The following NRXN1 variants were observed in gnomAD, a reference collection of about 807,000 sequenced individuals.
NRXN1 encodes neurexin 1.
Under a neutral mutation model 150.9 loss-of-function variants are expected in NRXN1, and 39 were observed. The ratio of observed to expected loss-of-function variants is 0.26; its 90% CI spans 0.20 to 0.34. NRXN1 has a LOEUF of 0.34. NRXN1 is among the 10% of genes least tolerant of loss of function. The pLI is 1.00. For synonymous variants in NRXN1, 924 were observed against 757.0 expected, an observed-to-expected ratio of 1.22 and a Z score of -3.62; for missense variants, 1,815 against 1,949.9, an observed-to-expected ratio of 0.93 and a Z score of 1.30.
intron 5 of NRXN1, among the ~76,000 whole-genome samples, chr2:50,626,861 T>A (rs980310033): frequency 1.3e-5 from 2 of 151,956 alleles, no homozygotes; most frequent in South Asian, 4.1e-4. Flanking sequence ...AGGATTATAA[T>A]CCAGAATATG....
At chr2:50,180,422 T>C (rs2060634489) in intron 18 of NRXN1, among the ~76,000 whole-genome samples, 1 of 152,108 alleles carries the variant, frequency 6.6e-6, no homozygotes, top group African/African-American at 2.4e-5. Flanking sequence ...AATCCCCTGT[T>C]ATAGCCTGAA....
intron 9 of NRXN1, chr2:50,548,248 C>T (rs1252112319): frequency 6.6e-6 from 1 of 152,134 alleles, no homozygotes; most frequent in East Asian, 1.9e-4. Flanking sequence ...GACCTCAAGA[C>T]CAAGAAGGGA....
chr2:50,234,969 C>A (rs1192490266), intron 18 of NRXN1, among the ~76,000 whole-genome samples: 1 of 151,944 alleles, frequency 6.6e-6, no homozygotes, highest in Non-Finnish European at 1.5e-5. Flanking sequence ...GAAAGAAATA[C>A]CTATTCTTGC....
At chr2:50,519,100 T>A (rs11897546) in intron 12 of NRXN1, among the ~76,000 whole-genome samples, 1 of 151,746 alleles carries the variant, frequency 6.6e-6, no homozygotes, top group African/African-American at 2.4e-5. Context: ...CGTGTCTTGC[T>A]TTCTTTTTGT....
At chr2:50,269,313 T>C (rs1013129801) in intron 17 of NRXN1, among the ~76,000 whole-genome samples, 3 of 152,208 alleles carry the variant, frequency 2.0e-5, no homozygotes, top group African/African-American at 7.2e-5. Context: ...ACTCTTCCCT[T>C]TGCTGTATTG....
intron 21 of NRXN1, among the ~76,000 whole-genome samples, chr2:50,019,590 C>A (rs1687180501): frequency 7.8e-6 from 1 of 128,062 alleles, no homozygotes; most frequent in African/African-American, 3.1e-5. Flanking sequence ...TGCAGTGAAC[C>A]GAGATGCTGC....
chr2:50,382,878 C>A (rs989485317), intron 17 of NRXN1, among the ~76,000 whole-genome samples: 3 of 152,102 alleles, frequency 2.0e-5, no homozygotes, highest in Non-Finnish European at 4.4e-5. Context: ...CAGAGATAAC[C>A]TTTGCTTAGG....
intron 5 of NRXN1, among the ~76,000 whole-genome samples, chr2:50,628,127 A>G (rs937461031): frequency 1.3e-5 from 2 of 151,782 alleles, no homozygotes; most frequent in Non-Finnish European, 3.0e-5. Context: ...GTATCATTCC[A>G]AATCTGCATA....
At chr2:50,052,730 G>C (rs1002532602) in intron 21 of NRXN1, among the ~76,000 whole-genome samples, 1 of 151,998 alleles carries the variant, frequency 6.6e-6, no homozygotes, top group Non-Finnish European at 1.5e-5. Flanking sequence ...TAAACCAATA[G>C]AATGTTTTTT....
chr2:50,562,883 T>C (rs1213546567), intron 8 of NRXN1, among the ~76,000 whole-genome samples: 3 of 152,132 alleles, frequency 2.0e-5, no homozygotes, highest in African/African-American at 7.2e-5. Flanking sequence ...AGCTTTATAA[T>C]ATATTCTAAT....
chr2:50,718,223 T>G (rs1224033011), intron 5 of NRXN1, among the ~76,000 whole-genome samples: 4 of 152,162 alleles, frequency 2.6e-5, no homozygotes, highest in Non-Finnish European at 4.4e-5. Context: ...AGACTTATTT[T>G]ATACAAACAC....
rs559350320 is a variant in NRXN1, at chr2:50,120,896, A to T, written c.3547-29402T>A. 1.8e-4 allele frequency among the ~76,000 whole-genome samples: 28 copies of T among 152,316 alleles called. No individual in the cohort carries two copies. In the South Asian group the frequency reaches 5.8e-3, roughly 32 times the overall value. On this transcript the variant is annotated intron_variant, in intron 18 of 22. Transcript: ENST00000401669. Reference sequence around the variant, plus strand: ...AGTTACTTACTGATCATTTGATGAGATCTGTTGACTAAATGTGGCTTTAAT... The same window carrying T: ...AGTTACTTACTGATCATTTGATGAGTTCTGTTGACTAAATGTGGCTTTAAT...
intron 17 of NRXN1, among the ~76,000 whole-genome samples, chr2:50,421,905 A>T (rs1236828045): frequency 5.3e-5 from 8 of 152,140 alleles, no homozygotes; most frequent in Admixed American, 3.9e-4. Flanking sequence ...ACCATTGATT[A>T]AAAAAATATT....
chr2:50,236,750 T>A, intron 18 of NRXN1, 39 bp downstream of exon 18: 1 of 1,597,724 alleles, frequency 6.3e-7, no homozygotes, highest in East Asian at 2.3e-5. Context: ...AAGTTAACAG[T>A]AAAAAGTAAA....
In NRXN1 at chr2:50,813,527, T is replaced by A. The variant is rs185031167; in HGVS notation, c.832+108342A>T. The stretch of plus-strand genomic sequence containing the variant: ...TGATTATTAGCAATTTCATATGGCT[T>A]AAACTTAACTCTTCTCAAAGTGCAT... On this transcript the variant is annotated intron_variant, in intron 5 of 22. Transcript: ENST00000401669. Among the ~76,000 whole-genome samples the A allele has an allele frequency of 7.0e-4, 106 of 152,284 alleles. 1 individual carries two copies. Among genetic ancestry groups the A allele is most frequent in the African/African-American group, 2.4e-3 (101 of 41,552 alleles).
intron 18 of NRXN1, among the ~76,000 whole-genome samples, chr2:50,155,288 A>G (rs2152777831): frequency 6.6e-6 from 1 of 151,700 alleles, no homozygotes; most frequent in Non-Finnish European, 1.5e-5. Context: ...AGCATCCCCA[A>G]GTCTATAGAG....
At chr2:50,009,565 A>T (rs1402509866) in intron 21 of NRXN1, among the ~76,000 whole-genome samples, 1 of 152,186 alleles carries the variant, frequency 6.6e-6, no homozygotes, top group Non-Finnish European at 1.5e-5. Flanking sequence ...AACTATTTCA[A>T]GATTTTTATG....
chr2:50,627,390 T>C (rs1242276010), intron 5 of NRXN1, among the ~76,000 whole-genome samples: 5 of 115,666 alleles, frequency 4.3e-5, no homozygotes, highest in Non-Finnish European at 9.7e-5. Context: ...TGTGTGTGTG[T>C]GTGTGCGCAT....
At chr2:50,524,358 A>T (rs2092883422) in intron 12 of NRXN1, among the ~76,000 whole-genome samples, 1 of 152,038 alleles carries the variant, frequency 6.6e-6, no homozygotes, top group Non-Finnish European at 1.5e-5. Context: ...GCACGCCTGT[A>T]GTTCCAGCTA....
Sources: allele counts gnomAD v4.1 joint callset (sites outside exome capture counted in the v4.1 genomes callset), GRCh38; gene constraint gnomAD v4.1.1; transcripts MANE v1.5; gene names NCBI Gene and HGNC (gene_info 2026-07-23, HGNC 2026-07-21).